Variants in UTP6 observed in about 807,000 individuals in gnomAD.
The protein encoded by UTP6 is UTP6 small subunit processome component, also known as U3 small nucleolar RNA-associated protein 6 homolog.
In UTP6, 60 loss-of-function variants were observed where a neutral mutation model predicts 96.5. The observed-to-expected ratio is 0.62, with a 90% CI of 0.51 to 0.77. The LOEUF (loss-of-function observed/expected upper bound fraction) is 0.77, where lower values mean the gene tolerates loss of function less well. Among genes scored for constraint, UTP6 ranks in the 30% least tolerant of loss-of-function variants. The pLI is 0.00. For missense variants in UTP6, 637 were observed against 706.5 expected (o/e 0.90, Z 1.12); for synonymous variants, 215 against 240.1 (o/e 0.90, Z 0.96).
At chr17:31,867,344 T>C (rs992819289) in intron 17 of UTP6, among the ~76,000 whole-genome samples, 10 of 151,342 alleles carry the variant, frequency 6.6e-5, no homozygotes, top group South Asian at 4.2e-4. Flanking sequence ...CCCGTCTCTA[T>C]TGAAAATACA....
Position 31,878,786 on chromosome 17 carries a change from A to G in UTP6, c.968-5T>C. 3 of 1,613,762 alleles carry G rather than the reference A, an allele frequency of 1.9e-6. No homozygotes were observed. The highest frequency in any genetic ancestry group is 2.5e-6 in the Non-Finnish European group (3 of 1,179,782). The stretch of plus-strand genomic sequence containing the variant: ...TGTAACACTTCCACATGGCCTCTGG[A>G]AAAGTCAGAAAGATTGTGTTGATCA... On this transcript the variant is annotated splice_polypyrimidine_tract_variant and splice_region_variant and intron_variant, in intron 11 of 18. Transcript: ENST00000261708.
chr17:31,889,622 G>A (rs935474388), intron 6 of UTP6, among the ~76,000 whole-genome samples: 7 of 149,894 alleles, frequency 4.7e-5, no homozygotes, highest in Non-Finnish European at 7.4e-5. Context: ...TCAGTCTCCC[G>A]AGTAGCTGGT....
At position 31,862,810 on chromosome 17, in the gene UTP6, G is replaced by T. The variant is rs1310328947; in HGVS notation, c.*549C>A. On this transcript the variant is annotated 3_prime_UTR_variant, in exon 19 of 19. Transcript: ENST00000261708. ...TAGTCTCAAACTCCTGACCTCAGGTGATCCGCCTGCCTCAGCCTTCCCAAA... is the reference window on the plus strand; with the variant it reads ...TAGTCTCAAACTCCTGACCTCAGGTTATCCGCCTGCCTCAGCCTTCCCAAA... 1 of 152,472 alleles carries T rather than the reference G, an allele frequency of 6.6e-6. No homozygotes were observed. Among genetic ancestry groups the T allele is most frequent in the Non-Finnish European group, 1.5e-5 (1 of 68,322 alleles). 9.4% of individuals were successfully genotyped at this position (152,472 alleles called of 1,614,324 possible).
At chr17:31,878,447 G>T in intron 12 of UTP6, 120 bp from the exon 13 acceptor site, 1 of 1,001,894 alleles carries the variant, frequency 1.0e-6, no homozygotes, top group Admixed American at 2.3e-5. Context: ...ACTTGCTCCT[G>T]CATGGTGGTT....
chr17:31,873,281 A>G (rs925791840), intron 16 of UTP6, 97 bp downstream of exon 16: 5 of 1,155,482 alleles, frequency 4.3e-6, no homozygotes, highest in Non-Finnish European at 6.3e-6. Context: ...GTATCAGATT[A>G]CTCCCTCAGA....
chr17:31,868,726 C>T (rs1909986297), intron 16 of UTP6, among the ~76,000 whole-genome samples: 1 of 152,110 alleles, frequency 6.6e-6, no homozygotes. Flanking sequence ...AATTCCATTT[C>T]TAGGAATATA....
At chr17:31,876,233 C>T (rs1309138370) in intron 13 of UTP6, among the ~76,000 whole-genome samples, 1 of 151,848 alleles carries the variant, frequency 6.6e-6, no homozygotes, top group Non-Finnish European at 1.5e-5. Context: ...AATGGGGTTT[C>T]ACCATGTTGG....
chr17:31,880,571 A>T lies in UTP6; in HGVS notation c.967+2T>A, dbSNP rs1323313405. On this transcript the variant is annotated splice_donor_variant, in intron 11 of 18. Coordinates refer to ENST00000261708, the MANE Select transcript of UTP6 (RefSeq NM_018428.3). LOFTEE classifies it high-confidence loss of function. ...ATCACACCATGGTTTGGTGAAGTTC[A>T]CCTGTTGGCAGAGTCTTCACTGCCT... 2 of 1,613,898 alleles carry T rather than the reference A, an allele frequency of 1.2e-6. No individual in the cohort carries two copies. The highest frequency in any genetic ancestry group is 1.7e-6 in the Non-Finnish European group (2 of 1,179,976).
intron 17 of UTP6, among the ~76,000 whole-genome samples, chr17:31,865,733 T>C (rs1165247112): frequency 6.6e-6 from 1 of 152,218 alleles, no homozygotes; most frequent in Non-Finnish European, 1.5e-5. Flanking sequence ...TCTTGAGGAA[T>C]GAGTGGGAAT....
intron 17 of UTP6, among the ~76,000 whole-genome samples, chr17:31,866,179 C>G (rs1210674450): frequency 6.7e-6 from 1 of 149,314 alleles, no homozygotes; most frequent in Non-Finnish European, 1.5e-5. Flanking sequence ...CCCAGCTACT[C>G]AGGAGGCTGA....
At chr17:31,867,752 T>C (rs1909909240) in intron 17 of UTP6, among the ~76,000 whole-genome samples, 1 of 152,006 alleles carries the variant, frequency 6.6e-6, no homozygotes, top group African/African-American at 2.4e-5. Flanking sequence ...GGTCAACAGA[T>C]AGAGACCATC....
At chr17:31,863,558 T>C in intron 18 of UTP6, 42 bp from the exon 19 acceptor site, 2 of 1,532,230 alleles carry the variant, frequency 1.3e-6, no homozygotes, top group South Asian at 2.4e-5. Flanking sequence ...TGACAGAGTG[T>C]TATTAGGTAA....
At chr17:31,882,025 G>C (rs1479007492) in intron 10 of UTP6, among the ~76,000 whole-genome samples, 1 of 151,826 alleles carries the variant, frequency 6.6e-6, no homozygotes, top group Non-Finnish European at 1.5e-5. Flanking sequence ...TTGTGTGTGT[G>C]TGTGTGTTTG....
At chr17:31,900,992 A>G (rs1009056730) in intron 1 of UTP6, among the ~76,000 whole-genome samples, 15 of 152,346 alleles carry the variant, frequency 9.8e-5, no homozygotes, top group South Asian at 2.1e-4. Context: ...CACAGAAACC[A>G]TTAAAAACTA....
Position 31,901,617 on chromosome 17 carries a change from A to C in UTP6, c.11T>G (p.Ile4Arg). The part of the protein sequence containing the change: MAE[I>R]IQERIEDRLP... ...CCGATCTTCTATGCGTTCCTGAATT[A>C]TCTCTGCCATGAGGTCCGAGGTCTA... The change falls in exon 1 of 19, where the codon ATA (isoleucine) becomes AGA (arginine). Residue 4 changes from isoleucine (I) to arginine (R), a missense_variant. By Grantham distance (97) the Ile-to-Arg change is moderately conservative. Coordinates refer to ENST00000261708, the MANE Select transcript of UTP6 (RefSeq NM_018428.3). 6.2e-7 allele frequency: 1 copy of C among 1,613,780 alleles called. No individual in the cohort carries two copies. Among genetic ancestry groups the C allele is most frequent in the Non-Finnish European group, 8.5e-7 (1 of 1,180,010 alleles).
At chr17:31,888,807 C>T (rs946976289) in intron 7 of UTP6, among the ~76,000 whole-genome samples, 1 of 152,216 alleles carries the variant, frequency 6.6e-6, no homozygotes, top group African/African-American at 2.4e-5. Context: ...CGCAGTGGCT[C>T]ACGCCTGTAA....
chr17:31,890,291 T>C (rs1378853202), intron 6 of UTP6, among the ~76,000 whole-genome samples: 3 of 151,394 alleles, frequency 2.0e-5, no homozygotes, highest in African/African-American at 7.3e-5. Context: ...CCACCGTGCC[T>C]GGCCCACATA....
intron 10 of UTP6, among the ~76,000 whole-genome samples, chr17:31,882,345 CAG>C (rs1337963469): frequency 7.4e-6 from 1 of 135,142 alleles, no homozygotes; most frequent in Non-Finnish European, 1.5e-5. Context: ...TTTTTGGAGA[CAG>C]AGTCTTCTCT....
At chr17:31,878,623 C>A in intron 12 of UTP6, 79 bp downstream of exon 12, 1 of 1,341,434 alleles carries the variant, frequency 7.5e-7, no homozygotes, top group Non-Finnish European at 1.1e-6. Context: ...CTGTGCCAGA[C>A]ACCAAAAGAT....
Sources: gnomAD v4.1 joint callset for allele counts (sites outside exome capture counted in the v4.1 genomes callset) on GRCh38, gnomAD v4.1.1 for gene constraint, MANE v1.5 for transcripts, NCBI Gene and HGNC (gene_info 2026-07-23, HGNC 2026-07-21) for gene names.